Variants in PLCB1 observed in about 807,000 individuals in gnomAD.
PLCB1 encodes the protein 1-phosphatidylinositol 4,5-bisphosphate phosphodiesterase beta-1.
PLCB1 carries 46 observed loss-of-function variants against 161.8 expected under a neutral mutation model. That is an observed-to-expected ratio of 0.28 (90% CI 0.22 to 0.36). The LOEUF (loss-of-function observed/expected upper bound fraction) is 0.36. PLCB1 is among the 10% of genes least tolerant of loss of function. PLCB1 has a pLI of 1.00. For synonymous variants in PLCB1, 517 were observed against 503.7 expected, an observed-to-expected ratio of 1.03 and a Z score of -0.35; for missense variants, 1,016 against 1,472.5, an observed-to-expected ratio of 0.69 and a Z score of 5.07.
intron 12 of PLCB1, among the ~76,000 whole-genome samples, chr20:8,710,186 CT>C (rs5840278): frequency 0.81 from 123,575 of 152,018 alleles, 50,367 homozygotes; most frequent in East Asian, 0.99. Flanking sequence ...CCTCAGAGAG[CT>C]TTTTACTCAC....
Position 8,884,360 on chromosome 20 carries a change from G to A in PLCB1, c.*2511G>A, listed in dbSNP as rs903141053. 2 of 152,496 alleles carry A rather than the reference G, an allele frequency of 1.3e-5. No individual in the cohort carries two copies. The highest frequency in any genetic ancestry group is 4.8e-5 in the African/African-American group (2 of 41,412). The allele number at this position is 152,496 out of a possible 1,614,324, so 9.4% of individuals were successfully genotyped here. A position where few individuals can be genotyped will look rare whatever the true frequency, so the allele number is the denominator to read the frequency against. On this transcript the variant is annotated 3_prime_UTR_variant, in exon 32 of 32. Coordinates refer to ENST00000338037, the MANE Select transcript of PLCB1 (RefSeq NM_015192.4). ...TTCTTTGTCGAATGTGTGAAATTCC[G>A]TACTGTGGTTTTTCCTATAATAGAA...
intron 2 of PLCB1, among the ~76,000 whole-genome samples, chr20:8,294,010 A>G (rs1859261991): frequency 6.6e-6 from 1 of 152,188 alleles, no homozygotes; most frequent in African/African-American, 2.4e-5. Flanking sequence ...TTCATTCAAG[A>G]AAGATTAATA....
At chr20:8,633,099 T>C (rs1988648265) in intron 4 of PLCB1, among the ~76,000 whole-genome samples, 1 of 102,314 alleles carries the variant, frequency 9.8e-6, no homozygotes, top group African/African-American at 3.6e-5. Flanking sequence ...TTTGCATGTA[T>C]GTACACACAC....
intron 15 of PLCB1, among the ~76,000 whole-genome samples, chr20:8,724,128 G>A (rs1324615248): frequency 6.6e-6 from 1 of 150,802 alleles, no homozygotes; most frequent in Non-Finnish European, 1.5e-5. Context: ...TAATACCCGG[G>A]TGACAAAATA....
chr20:8,548,361 T>A (rs940220543), intron 3 of PLCB1, among the ~76,000 whole-genome samples: 7 of 147,444 alleles, frequency 4.7e-5, no homozygotes, highest in African/African-American at 1.8e-4. Context: ...CTTTTGTCTC[T>A]CTCCTTCTTT....
intron 31 of PLCB1, among the ~76,000 whole-genome samples, chr20:8,809,564 C>T (rs1378132178): frequency 6.6e-6 from 1 of 152,014 alleles, no homozygotes; most frequent in Non-Finnish European, 1.5e-5. Context: ...CCAGGAGAGC[C>T]GTATATTAAT....
At chr20:8,743,346 T>C (rs1459102886) in intron 23 of PLCB1, among the ~76,000 whole-genome samples, 1 of 152,188 alleles carries the variant, frequency 6.6e-6, no homozygotes, top group Non-Finnish European at 1.5e-5. Context: ...TCTGTTGATA[T>C]GATGTATCAC....
At chr20:8,200,353 T>C (rs1345650504) in intron 2 of PLCB1, among the ~76,000 whole-genome samples, 1 of 152,082 alleles carries the variant, frequency 6.6e-6, no homozygotes, top group East Asian at 1.9e-4. Context: ...TTAATCTACC[T>C]GGAGTCAATT....
intron 3 of PLCB1, among the ~76,000 whole-genome samples, chr20:8,441,875 A>G (rs1024910257): frequency 1.3e-5 from 2 of 152,212 alleles, no homozygotes; most frequent in Non-Finnish European, 2.9e-5. Flanking sequence ...AAAGCACCTT[A>G]TAACTGTTAC....
chr20:8,290,913 T>G (rs1983353243), intron 2 of PLCB1, among the ~76,000 whole-genome samples: 1 of 152,036 alleles, frequency 6.6e-6, no homozygotes, highest in South Asian at 2.1e-4. Flanking sequence ...ATTATATAAA[T>G]TATAAGTTAC....
intron 3 of PLCB1, among the ~76,000 whole-genome samples, chr20:8,459,050 GT>G (rs1981454058): frequency 6.6e-6 from 1 of 152,318 alleles, no homozygotes; most frequent in South Asian, 2.1e-4. Flanking sequence ...TTTTAGCAAA[GT>G]TTCTGAGGAA....
intron 2 of PLCB1, among the ~76,000 whole-genome samples, chr20:8,315,634 G>T (rs1018910093): frequency 1.3e-5 from 2 of 152,074 alleles, no homozygotes; most frequent in Admixed American, 1.3e-4. Flanking sequence ...CATCCTTAAG[G>T]TCCCTTCCAG....
At chr20:8,760,765 G>C (rs1981978641) in intron 25 of PLCB1, among the ~76,000 whole-genome samples, 1 of 152,190 alleles carries the variant, frequency 6.6e-6, no homozygotes, top group Non-Finnish European at 1.5e-5. Context: ...AAGAATGCCT[G>C]TCTTCCCAAA....
intron 2 of PLCB1, among the ~76,000 whole-genome samples, chr20:8,180,126 G>A (rs2051826330): frequency 6.6e-6 from 1 of 151,874 alleles, no homozygotes; most frequent in African/African-American, 2.4e-5. Flanking sequence ...CCAAAGTGCT[G>A]GGATTACAGG....
intron 4 of PLCB1, among the ~76,000 whole-genome samples, chr20:8,633,044 A>G (rs1469541808): frequency 6.6e-6 from 1 of 151,372 alleles, no homozygotes; most frequent in Non-Finnish European, 1.5e-5. Flanking sequence ...GTTGCTAATG[A>G]CTTAGACCAA....
chr20:8,209,438 A>G (rs1274352653), intron 2 of PLCB1, among the ~76,000 whole-genome samples: 1 of 152,138 alleles, frequency 6.6e-6, no homozygotes, highest in Non-Finnish European at 1.5e-5. Context: ...GGTATTGTAA[A>G]ATGTGACTTA....
intron 17 of PLCB1, among the ~76,000 whole-genome samples, chr20:8,728,683 A>G (rs1980070447): frequency 6.6e-6 from 1 of 152,080 alleles, no homozygotes; most frequent in African/African-American, 2.4e-5. Flanking sequence ...TACTCTCCAC[A>G]AAATCACATT....
intron 25 of PLCB1, among the ~76,000 whole-genome samples, chr20:8,760,990 A>G (rs1981993992): frequency 6.6e-6 from 1 of 152,238 alleles, no homozygotes; most frequent in African/African-American, 2.4e-5. Flanking sequence ...GGTTCAATAT[A>G]CAACAGAAAT....
At chr20:8,878,762 A>C (rs1320098156) in intron 31 of PLCB1, among the ~76,000 whole-genome samples, 5 of 151,480 alleles carry the variant, frequency 3.3e-5, no homozygotes, top group African/African-American at 7.3e-5. Flanking sequence ...TTGATATTTC[A>C]ATAATTTTTA....
Sources: allele counts gnomAD v4.1 joint callset (sites outside exome capture counted in the v4.1 genomes callset), GRCh38; gene constraint gnomAD v4.1.1; transcripts MANE v1.5; gene names NCBI Gene and HGNC (gene_info 2026-07-23, HGNC 2026-07-21).